Variants in GRM7 observed in about 807,000 individuals in gnomAD.
The protein encoded by GRM7 is metabotropic glutamate receptor 7.
In GRM7, 35 loss-of-function variants were observed where a neutral mutation model predicts 84.5. The ratio of observed to expected loss-of-function variants is 0.41; its 90% CI spans 0.32 to 0.55. The LOEUF (loss-of-function observed/expected upper bound fraction) is 0.55. Ranked by LOEUF, GRM7 falls within the 20% of genes least tolerant of loss-of-function variation. The pLI, the probability that GRM7 is intolerant of heterozygous loss-of-function variation, is 0.19. For synonymous variants in GRM7, 487 were observed against 455.1 expected, an observed-to-expected ratio of 1.07 and a Z score of -0.89; for missense variants, 1,003 against 1,194.6, an observed-to-expected ratio of 0.84 and a Z score of 2.36.
chr3:6,940,337 A>G (rs510427), intron 1 of GRM7, among the ~76,000 whole-genome samples: 66,049 of 151,948 alleles, frequency 0.43, 14,585 homozygotes, highest in Non-Finnish European at 0.49. Flanking sequence ...TTATCTGCCC[A>G]TCTCGGCCTC....
chr3:7,503,236 TAAAA>T (rs1015727174), intron 7 of GRM7, among the ~76,000 whole-genome samples: 2 of 152,176 alleles, frequency 1.3e-5, no homozygotes, highest in African/African-American at 4.8e-5. Context: ...AAATTCCTGA[TAAAA>T]GAGAGACCAG....
In GRM7 at chr3:7,579,357, G is replaced by C. The variant is rs566219746; in HGVS notation, c.2451G>C (p.Lys817Asn). The change falls in exon 8 of 10, where the codon AAG (lysine) becomes AAC (asparagine). Residue 817 changes from lysine to asparagine, a missense_variant and splice_region_variant. Physicochemically the swap from Lys to Asn is moderately conservative, Grantham distance 94. This residue lies in a region of GRM7 where 910 missense variants were observed against 1,126.0 expected (regional missense o/e 0.81). Transcript: ENST00000357716. Reference sequence around the variant, plus strand: ...TTGGCACCGCTCAATCAGCGGAAAAGGTAAGTGAAAATGCACATCATAATA... The same window carrying C: ...TTGGCACCGCTCAATCAGCGGAAAACGTAAGTGAAAATGCACATCATAATA... ...IFFGTAQSAE[K>N]LYIQTTTLTI... 1 of 1,522,482 alleles carries C rather than the reference G, an allele frequency of 6.6e-7. No homozygotes were observed. Among genetic ancestry groups the C allele is most frequent in the Non-Finnish European group, 8.9e-7 (1 of 1,125,356 alleles). The allele number at this position is 1,522,482 out of a possible 1,614,324, so 94.3% of individuals were successfully genotyped here. A position where few individuals can be genotyped will look rare whatever the true frequency, so the allele number is the denominator to read the frequency against.
At chr3:7,177,827 A>G (rs1028648691) in intron 2 of GRM7, among the ~76,000 whole-genome samples, 2 of 152,236 alleles carry the variant, frequency 1.3e-5, no homozygotes, top group Admixed American at 1.3e-4. Flanking sequence ...CTATTACTTA[A>G]TTAAGACCTC....
At chr3:7,646,395 T>G (rs1271203160) in intron 8 of GRM7, among the ~76,000 whole-genome samples, 1 of 152,072 alleles carries the variant, frequency 6.6e-6, no homozygotes, top group Non-Finnish European at 1.5e-5. Context: ...GGTTTCACCA[T>G]GTTGGTCAGG....
intron 8 of GRM7, among the ~76,000 whole-genome samples, chr3:7,648,061 G>T (rs1015724610): frequency 6.6e-6 from 1 of 152,060 alleles, no homozygotes; most frequent in Non-Finnish European, 1.5e-5. Flanking sequence ...CCAGTGCTCA[G>T]TAGAGGCCCT....
intron 2 of GRM7, among the ~76,000 whole-genome samples, chr3:7,153,527 T>C (rs1694353950): frequency 3.9e-5 from 6 of 152,162 alleles, no homozygotes. Flanking sequence ...TAAATGCATG[T>C]TGAATTTAAA....
chr3:6,946,234 G>T (rs1469884231), intron 1 of GRM7, among the ~76,000 whole-genome samples: 1 of 152,092 alleles, frequency 6.6e-6, no homozygotes, highest in Admixed American at 6.6e-5. Flanking sequence ...ATTAATTTTT[G>T]TATAAGGTGT....
At chr3:7,247,518 G>A (rs1697812193) in intron 2 of GRM7, among the ~76,000 whole-genome samples, 1 of 150,302 alleles carries the variant, frequency 6.7e-6, no homozygotes, top group Non-Finnish European at 1.5e-5. Flanking sequence ...AGGATAACTT[G>A]AGCCCAGGAG....
chr3:6,954,292 C>T (rs1692927109), intron 1 of GRM7, among the ~76,000 whole-genome samples: 2 of 152,018 alleles, frequency 1.3e-5, no homozygotes, highest in African/African-American at 4.8e-5. Flanking sequence ...CTATAGTCAC[C>T]CTACTCTTCT....
intron 1 of GRM7, among the ~76,000 whole-genome samples, chr3:7,034,149 C>G (rs1046360989): frequency 6.6e-6 from 1 of 152,232 alleles, no homozygotes; most frequent in South Asian, 2.1e-4. Flanking sequence ...TAAAATTATA[C>G]TAGGTTCCTT....
chr3:7,674,193 T>C (rs960606797), intron 8 of GRM7, among the ~76,000 whole-genome samples: 3 of 152,090 alleles, frequency 2.0e-5, no homozygotes, highest in Admixed American at 1.3e-4. Context: ...GTTGAATTTT[T>C]TTCTTTTTTT....
intron 2 of GRM7, among the ~76,000 whole-genome samples, chr3:7,187,260 G>A (rs748961429): frequency 1.3e-5 from 2 of 152,104 alleles, no homozygotes; most frequent in African/African-American, 2.4e-5. Flanking sequence ...GCAACAAGAT[G>A]TGCCTTTGAA....
At chr3:7,427,036 T>G (rs1049066179) in intron 5 of GRM7, among the ~76,000 whole-genome samples, 1 of 152,150 alleles carries the variant, frequency 6.6e-6, no homozygotes, top group Admixed American at 6.6e-5. Context: ...CCTGGGCAAA[T>G]GGATTGAATC....
At chr3:6,871,485 C>G (rs1313326250) in intron 1 of GRM7, among the ~76,000 whole-genome samples, 2 of 151,724 alleles carry the variant, frequency 1.3e-5, no homozygotes, top group African/African-American at 2.4e-5. Context: ...TTACTTTCAA[C>G]AATTTCACCA....
chr3:7,533,553 T>C (rs561420262), intron 7 of GRM7, among the ~76,000 whole-genome samples: 1 of 152,306 alleles, frequency 6.6e-6, no homozygotes, highest in South Asian at 2.1e-4. Flanking sequence ...TTCATCTTTA[T>C]GCCTGTGGCC....
At position 6,986,692 on chromosome 3, in the gene GRM7, A is replaced by T. The variant is rs189117380; in HGVS notation, c.519+124785A>T. On this transcript the variant is annotated intron_variant, in intron 1 of 9. Coordinates refer to ENST00000357716, the MANE Select transcript of GRM7 (RefSeq NM_000844.4). The stretch of plus-strand genomic sequence containing the variant: ...TGACTTAGCTAACTTCGGCCTGATC[A>T]TTAGGATGCCACTGTTCTAATCCTG... 1.4e-3 allele frequency among the ~76,000 whole-genome samples: 208 copies of T among 152,310 alleles called. 1 individual carries two copies. Among genetic ancestry groups the T allele is most frequent in the Non-Finnish European group, 2.4e-3 (160 of 68,022 alleles).
At chr3:7,144,828 T>C (rs970763020) in intron 1 of GRM7, among the ~76,000 whole-genome samples, 7 of 152,136 alleles carry the variant, frequency 4.6e-5, no homozygotes, top group Non-Finnish European at 7.3e-5. Flanking sequence ...GTTGCTCAGG[T>C]AGAAGGACCC....
At chr3:7,639,973 A>G (rs560628056) in intron 8 of GRM7, among the ~76,000 whole-genome samples, 1 of 152,302 alleles carries the variant, frequency 6.6e-6, no homozygotes, top group South Asian at 2.1e-4. Flanking sequence ...TTGTGTCTGT[A>G]TAATTATACT....
chr3:7,015,956 A>T (rs185312297), intron 1 of GRM7, among the ~76,000 whole-genome samples: 1 of 152,296 alleles, frequency 6.6e-6, no homozygotes, highest in African/African-American at 2.4e-5. Flanking sequence ...ATCAGGCTAC[A>T]CCCTTTGAAA....
Sources: gnomAD v4.1 joint callset for allele counts (sites outside exome capture counted in the v4.1 genomes callset) on GRCh38, gnomAD v4.1.1 for gene constraint, gnomAD v4.1.1 regional missense constraint, MANE v1.5 for transcripts, NCBI Gene and HGNC (gene_info 2026-07-23, HGNC 2026-07-21) for gene names.